The following FNIP2 variants were observed in gnomAD, a reference collection of about 807,000 sequenced individuals.
FNIP2 encodes folliculin interacting protein 2.
A neutral mutation model predicts 108.7 loss-of-function variants in FNIP2; 32 were observed. The observed-to-expected ratio is 0.29, with a 90% CI of 0.22 to 0.40. The LOEUF is 0.40. Ranked by LOEUF, FNIP2 falls within the 10% of genes least tolerant of loss-of-function variation. The probability of loss-of-function intolerance (pLI) is 1.00; values close to 1 mark genes in which losing one functional copy is unlikely to be tolerated. For missense variants in FNIP2, 1,202 were observed against 1,381.6 expected, an observed-to-expected ratio of 0.87 and a Z score of 2.06; for synonymous variants, 480 against 496.7, an observed-to-expected ratio of 0.97 and a Z score of 0.45.
At chr4:158,778,386 T>C (rs190852640) in intron 1 of FNIP2, among the ~76,000 whole-genome samples, 2 of 152,330 alleles carry the variant, frequency 1.3e-5, no homozygotes, top group African/African-American at 2.4e-5. Context: ...AGCAGTACCA[T>C]TTAAAAAAGA....
At chr4:158,830,837 G>A (rs951181735) in intron 3 of FNIP2, among the ~76,000 whole-genome samples, 1 of 152,136 alleles carries the variant, frequency 6.6e-6, no homozygotes, top group African/African-American at 2.4e-5. Context: ...TCATCATTGT[G>A]TCACTAGCAC....
rs573911359 is a variant in FNIP2, at chr4:158,821,082, A to G, written c.108-4834A>G. Among the ~76,000 whole-genome samples, 92 of 152,326 alleles carry G rather than the reference A, an allele frequency of 6.0e-4. 1 individual carries two copies. The highest frequency in any genetic ancestry group is 5.2e-3 in the South Asian group (25 of 4,824). On this transcript the variant is annotated intron_variant, in intron 1 of 16. Coordinates refer to ENST00000264433, the MANE Select transcript of FNIP2 (RefSeq NM_020840.3). ...TGAGACTTTGGTTCCTTGCTTTTCT[A>G]ATCTTGATGAGTAGTTTCAGAAATG...
At chr4:158,882,875 C>T (rs969071716) in intron 14 of FNIP2, among the ~76,000 whole-genome samples, 2 of 152,268 alleles carry the variant, frequency 1.3e-5, no homozygotes, top group African/African-American at 4.8e-5. Context: ...GCCGCAGGGT[C>T]TTCTGCCTAG....
At chr4:158,784,845 T>C (rs1776168246) in intron 1 of FNIP2, among the ~76,000 whole-genome samples, 1 of 152,186 alleles carries the variant, frequency 6.6e-6, no homozygotes, top group Non-Finnish European at 1.5e-5. Context: ...GGATCCCTGC[T>C]CTAATTCTTC....
At chr4:158,876,294 A>C (rs1781280512) in intron 14 of FNIP2, among the ~76,000 whole-genome samples, 1 of 152,220 alleles carries the variant, frequency 6.6e-6, no homozygotes, top group Non-Finnish European at 1.5e-5. Context: ...TTTCTAAAGC[A>C]TGAGACAATC....
At chr4:158,884,406 A>G (rs992740340) in intron 14 of FNIP2, among the ~76,000 whole-genome samples, 9 of 152,244 alleles carry the variant, frequency 5.9e-5, no homozygotes, top group Admixed American at 2.0e-4. Context: ...AATCAAGAAC[A>G]AGTTAAGACA....
At chr4:158,862,870 G>A (rs1056705502) in intron 12 of FNIP2, among the ~76,000 whole-genome samples, 1 of 152,118 alleles carries the variant, frequency 6.6e-6, no homozygotes, top group Admixed American at 6.5e-5. Flanking sequence ...AGGAAACATT[G>A]TATTCCATGC....
At position 158,868,097 on chromosome 4, in the gene FNIP2, T is replaced by C; in HGVS notation, c.1466-5T>C. 6.2e-7 allele frequency: 1 copy of C among 1,612,740 alleles called. No homozygotes were observed. Among genetic ancestry groups the C allele is most frequent in the Non-Finnish European group, 8.5e-7 (1 of 1,178,952 alleles). On this transcript the variant is annotated splice_polypyrimidine_tract_variant and splice_region_variant and intron_variant, in intron 12 of 16. Coordinates refer to ENST00000264433, the MANE Select transcript of FNIP2 (RefSeq NM_020840.3). This position sits in a 1 kb window ranked among gnomAD's most constrained non-coding sequence, Gnocchi z 4.6. ...ACTGCCTTTGTGTCCACCTTTGCTC[T>C]CTAGGTGATCTTTACGGAGCCATAG...
At chr4:158,838,070 G>C (rs1303991963) in intron 7 of FNIP2, among the ~76,000 whole-genome samples, 1 of 152,138 alleles carries the variant, frequency 6.6e-6, no homozygotes, top group Admixed American at 6.5e-5. Flanking sequence ...TAATTTGTTC[G>C]CTAAGATTTC....
At chr4:158,798,144 A>G (rs990209224) in intron 1 of FNIP2, among the ~76,000 whole-genome samples, 2 of 152,028 alleles carry the variant, frequency 1.3e-5, no homozygotes, top group African/African-American at 4.8e-5. Flanking sequence ...AGCTCACCGC[A>G]GCCTCAAACT....
intron 16 of FNIP2, among the ~76,000 whole-genome samples, chr4:158,896,920 C>G (rs188900951): frequency 6.6e-6 from 1 of 151,628 alleles, no homozygotes; most frequent in Non-Finnish European, 1.5e-5. Flanking sequence ...TAGGTATACA[C>G]GTGCCATGGT....
In FNIP2 at chr4:158,829,168, C is replaced by T; in HGVS notation, c.324C>T (p.Ser108=). The change falls in exon 3 of 17, where the codon TCC becomes TCT. Residue 108 remains serine, a synonymous_variant. Transcript: ENST00000264433. ...GCAGTAGCAGCAGCAGCATCTCTTC[C>T]CACAGTTCTTCTGGGGGATCTTCAC... ...VSSSSSSSIS[S]HSSSGGSSHH... The T allele has an allele frequency of 1.2e-6, 2 of 1,613,158 alleles. No homozygotes were observed. The highest frequency in any genetic ancestry group is 4.5e-5 in the East Asian group (2 of 44,862).
At chr4:158,811,238 A>T (rs1373701319) in intron 1 of FNIP2, among the ~76,000 whole-genome samples, 2 of 152,214 alleles carry the variant, frequency 1.3e-5, no homozygotes, top group Non-Finnish European at 2.9e-5. Context: ...AAGGTTTTTT[A>T]AAAAAACTAC....
In FNIP2 at chr4:158,833,552, C is replaced by A; in HGVS notation, c.579C>A (p.Ile193=). 6.2e-7 allele frequency: 1 copy of A among 1,607,700 alleles called. No homozygotes were observed. Among genetic ancestry groups the A allele is most frequent in the Non-Finnish European group, 8.5e-7 (1 of 1,177,960 alleles). Residue 193 remains isoleucine, a synonymous_variant, in exon 6 of 17, where the codon ATC becomes ATA. Transcript: ENST00000264433. ...TNNLQDSFEY[I]NQDPNLGKLN... is the part of the protein sequence containing the mutation. The stretch of plus-strand genomic sequence containing the variant: ...GCTTGCAAGACAGCTTTGAGTACAT[C>A]AACCAAGATCCTAATTTGGGAAAAC...
At chr4:158,857,004 CAAGT>C (rs1308140368) in intron 8 of FNIP2, among the ~76,000 whole-genome samples, 2 of 152,142 alleles carry the variant, frequency 1.3e-5, no homozygotes, top group Non-Finnish European at 2.9e-5. Flanking sequence ...TATGGTGAAG[CAAGT>C]AAGTTCTCCA....
Position 158,869,338 on chromosome 4 carries a change from A to T in FNIP2, c.2702A>T (p.Asp901Val), listed in dbSNP as rs561901029. The change falls in exon 13 of 17, where the codon GAC (aspartate) becomes GTC (valine). Residue 901 changes from aspartate (D) to valine (V), a missense_variant. Physicochemically the swap from Asp to Val is radical, Grantham distance 152. Coordinates refer to ENST00000264433, the MANE Select transcript of FNIP2 (RefSeq NM_020840.3). ...TCAGATAGCGCCCTGGGAGACAGTG[A>T]CGACGAAGCCTGCGCTTCAGCCATG... ...ESSDSALGDS[D>V]DEACASAMLD... 5 of 1,613,526 alleles carry T rather than the reference A, an allele frequency of 3.1e-6. No individual in the cohort carries two copies. In the East Asian group the frequency reaches 1.1e-4, roughly 36 times the overall value.
chr4:158,802,318 C>T (rs1776790577), intron 1 of FNIP2, among the ~76,000 whole-genome samples: 1 of 151,956 alleles, frequency 6.6e-6, no homozygotes. Flanking sequence ...CCCTCCTGTC[C>T]TGTATTTATT....
At chr4:158,821,567 A>C (rs561082996) in intron 1 of FNIP2, among the ~76,000 whole-genome samples, 1 of 152,370 alleles carries the variant, frequency 6.6e-6, no homozygotes, top group Admixed American at 6.5e-5. Flanking sequence ...CCAATAGCTC[A>C]AGTCCTGTGT....
chr4:158,854,818 A>G (rs1379677151), intron 8 of FNIP2, among the ~76,000 whole-genome samples: 1 of 152,182 alleles, frequency 6.6e-6, no homozygotes, highest in East Asian at 1.9e-4. Context: ...ACCTCTCTGT[A>G]TGGCATTCCT....
Sources: gnomAD v4.1 joint callset for allele counts (sites outside exome capture counted in the v4.1 genomes callset) on GRCh38, gnomAD v4.1.1 for gene constraint, Gnocchi (gnomAD v3.1) non-coding constraint, MANE v1.5 for transcripts, NCBI Gene and HGNC (gene_info 2026-07-23, HGNC 2026-07-21) for gene names.